CACNA1B: variants seen among roughly 807,000 people sequenced by gnomAD.
The protein encoded by CACNA1B is calcium voltage-gated channel subunit alpha1 B.
Under a neutral mutation model 247.2 loss-of-function variants are expected in CACNA1B, and 70 were observed. That is an observed-to-expected ratio of 0.28 (90% CI 0.23 to 0.35). The LOEUF is 0.35. Ranked by LOEUF, CACNA1B falls within the 10% of genes least tolerant of loss-of-function variation. The pLI, the probability that CACNA1B is intolerant of heterozygous loss-of-function variation, is 1.00. For synonymous variants in CACNA1B, 1,231 were observed against 1,294.4 expected, an observed-to-expected ratio of 0.95 and a Z score of 1.05; for missense variants, 2,367 against 3,197.4, an observed-to-expected ratio of 0.74 and a Z score of 6.26.
chr9:137,916,326 C>G (rs1483339155), intron 5 of CACNA1B, among the ~76,000 whole-genome samples: 1 of 152,190 alleles, frequency 6.6e-6, no homozygotes, highest in African/African-American at 2.4e-5. Context: ...AGCCACCGTG[C>G]CTGGCCTGCA....
intron 15 of CACNA1B, among the ~76,000 whole-genome samples, chr9:137,991,043 C>A (rs1372750619): frequency 6.6e-6 from 1 of 152,128 alleles, no homozygotes; most frequent in African/African-American, 2.4e-5. Context: ...TAAACACCCC[C>A]AGAAGATCAC....
chr9:138,010,148 G>T lies in CACNA1B; in HGVS notation c.2160+71G>T. 7.7e-7 allele frequency: 1 copy of T among 1,293,188 alleles called. No individual in the cohort carries two copies. Among genetic ancestry groups the T allele is most frequent in the Non-Finnish European group, 1.1e-6 (1 of 890,320 alleles). The allele number at this position is 1,293,188 out of a possible 1,614,324, so 80.1% of individuals were successfully genotyped here. On this transcript the variant is annotated intron_variant, in intron 17 of 46. Coordinates refer to ENST00000371372, the MANE Select transcript of CACNA1B (RefSeq NM_000718.4). This position sits in a 1 kb window ranked among gnomAD's most constrained non-coding sequence, Gnocchi z 5.3. The stretch of plus-strand genomic sequence containing the variant: ...ATGTGGCCGCAGCCAGGAAGAGTCT[G>T]GGTCCTGGGTTAGGGCCTCGTGTCC...
At chr9:137,940,099 C>CA (rs1268133817) in intron 6 of CACNA1B, among the ~76,000 whole-genome samples, 1 of 151,550 alleles carries the variant, frequency 6.6e-6, no homozygotes, top group Admixed American at 6.6e-5. Context: ...GAAACTTAAA[C>CA]AAAAAAACAC....
At chr9:138,106,998 C>A (rs560925854) in intron 39 of CACNA1B, among the ~76,000 whole-genome samples, 20 of 152,130 alleles carry the variant, frequency 1.3e-4, no homozygotes, top group African/African-American at 3.6e-4. Context: ...GCATTTTCTT[C>A]TCTTTGAACC....
At chr9:138,113,681 G>A (rs1485930785) in intron 40 of CACNA1B, among the ~76,000 whole-genome samples, 3 of 131,010 alleles carry the variant, frequency 2.3e-5, no homozygotes, top group Non-Finnish European at 4.9e-5. Flanking sequence ...GAGACGTGAG[G>A]GAGCGCAGGA....
At chr9:138,021,331 C>T (rs1958842628) in intron 18 of CACNA1B, among the ~76,000 whole-genome samples, 1 of 152,258 alleles carries the variant, frequency 6.6e-6, no homozygotes, top group African/African-American at 2.4e-5. Context: ...CCCACCCAAG[C>T]TCCCAGGTGA....
chr9:137,993,825 G>A (rs1958464388), intron 15 of CACNA1B, among the ~76,000 whole-genome samples: 1 of 152,072 alleles, frequency 6.6e-6, no homozygotes, highest in African/African-American at 2.4e-5. Context: ...AGAGAAAGAG[G>A]GAATTCTCCC....
intron 10 of CACNA1B, among the ~76,000 whole-genome samples, chr9:137,968,351 G>C (rs1411614287): frequency 1.3e-5 from 2 of 152,230 alleles, no homozygotes; most frequent in Admixed American, 1.3e-4. Context: ...CACCCTGTCG[G>C]CCCTGACGCC....
At chr9:138,008,028 C>T (rs1040053575) in intron 16 of CACNA1B, among the ~76,000 whole-genome samples, 3 of 152,212 alleles carry the variant, frequency 2.0e-5, no homozygotes, top group East Asian at 1.9e-4. Context: ...GGTCCTTAGG[C>T]TGCAGCTCAG....
Position 138,121,436 on chromosome 9 carries a change from ACC to A in CACNA1B, c.6490-32_6490-31del. On this transcript the variant is annotated intron_variant, in intron 46 of 46. Transcript: ENST00000371372. The surrounding 1 kb of genome is among the most constrained non-coding windows in gnomAD (Gnocchi z 6.8). Reference sequence around the variant, plus strand: ...GTTCGGCTTTTTTTTTTTTTTTTTTACCTCTGATTTGTTCTGGTCCATTTTCA... The same window carrying A: ...GTTCGGCTTTTTTTTTTTTTTTTTTATCTGATTTGTTCTGGTCCATTTTCA... 1 of 720,794 alleles carries A rather than the reference ACC, an allele frequency of 1.4e-6. No individual in the cohort carries two copies. Among genetic ancestry groups the A allele is most frequent in the Non-Finnish European group, 1.8e-6 (1 of 545,264 alleles). The allele number at this position is 720,794 out of a possible 1,614,324, so 44.6% of individuals were successfully genotyped here.
chr9:137,965,485 A>G (rs1477676006), intron 10 of CACNA1B, among the ~76,000 whole-genome samples: 1 of 152,274 alleles, frequency 6.6e-6, no homozygotes, highest in East Asian at 1.9e-4. Flanking sequence ...GTTTGAGACA[A>G]GCCTGGACAA....
chr9:137,992,616 C>T (rs1419902699), intron 15 of CACNA1B, among the ~76,000 whole-genome samples: 1 of 152,128 alleles, frequency 6.6e-6, no homozygotes, highest in African/African-American at 2.4e-5. Flanking sequence ...GAGCATTCTA[C>T]CCAACAACTG....
At chr9:138,034,182 G>A (rs1005612017) in intron 20 of CACNA1B, among the ~76,000 whole-genome samples, 1 of 152,166 alleles carries the variant, frequency 6.6e-6, no homozygotes, top group African/African-American at 2.4e-5. Context: ...TAGAAGTCCT[G>A]ACTTTCCACT....
At chr9:138,118,376 G>A (rs554260831) in intron 43 of CACNA1B, among the ~76,000 whole-genome samples, 9 of 110,050 alleles carry the variant, frequency 8.2e-5, no homozygotes, top group African/African-American at 2.9e-4. Flanking sequence ...ACTGGGGTGG[G>A]GAACATGTGA....
At position 138,122,723 on chromosome 9, in the gene CACNA1B, C is replaced by G. The variant is rs981126604; in HGVS notation, c.*724C>G. ...AAAGAAAGATGTCAGCTTTTTGCCA[C>G]GTGTCTTTGTGGCTTATGCGAGGAG... On this transcript the variant is annotated 3_prime_UTR_variant, in exon 47 of 47. Coordinates refer to ENST00000371372, the MANE Select transcript of CACNA1B (RefSeq NM_000718.4). 2.0e-5 allele frequency: 3 copies of G among 152,264 alleles called. No homozygotes were observed. Among genetic ancestry groups the G allele is most frequent in the African/African-American group, 7.2e-5 (3 of 41,446 alleles). 9.4% of individuals were successfully genotyped at this position (152,264 alleles called of 1,614,324 possible).
At chr9:137,999,587 A>C (rs1422557364) in intron 15 of CACNA1B, among the ~76,000 whole-genome samples, 1 of 152,110 alleles carries the variant, frequency 6.6e-6, no homozygotes, top group Non-Finnish European at 1.5e-5. Flanking sequence ...ATCATAGCTC[A>C]CTGCAGCCTC....
chr9:138,121,009 C>A lies in CACNA1B; in HGVS notation c.6489+128C>A. The A allele has an allele frequency of 2.7e-6, 3 of 1,107,156 alleles. No homozygotes were observed. Among genetic ancestry groups the A allele is most frequent in the South Asian group, 1.5e-5 (1 of 65,794 alleles). The allele number at this position is 1,107,156 out of a possible 1,614,324, so 68.6% of individuals were successfully genotyped here. On this transcript the variant is annotated intron_variant, in intron 46 of 46. Coordinates refer to ENST00000371372, the MANE Select transcript of CACNA1B (RefSeq NM_000718.4). The surrounding 1 kb of genome is among the most constrained non-coding windows in gnomAD (Gnocchi z 6.8). ...TTTGTCATTCCCAGCAACCCAAGGG[C>A]CGGGCGCTCCCCTCTGTGCCCTGTC...
intron 6 of CACNA1B, among the ~76,000 whole-genome samples, chr9:137,923,789 G>A (rs1957518551): frequency 6.6e-6 from 1 of 152,186 alleles, no homozygotes; most frequent in Non-Finnish European, 1.5e-5. Flanking sequence ...CAGTTTTTGT[G>A]CATTCTGGCC....
rs1324672848 is a variant in CACNA1B at position 138,052,391 on chromosome 9, C to T, written c.3807+203C>T. ...CCCAGCAGCCTCCTGTGAGAATCCT[C>T]CTCCTTAGCCCAGCAGGACCAGGCG... On this transcript the variant is annotated intron_variant, in intron 25 of 46. Coordinates refer to ENST00000371372, the MANE Select transcript of CACNA1B (RefSeq NM_000718.4). This position sits in a 1 kb window ranked among gnomAD's most constrained non-coding sequence, Gnocchi z 5.1. Among the ~76,000 whole-genome samples the T allele has an allele frequency of 6.6e-6, 1 of 152,172 alleles. No individual in the cohort carries two copies. The highest frequency in any genetic ancestry group is 1.5e-5 in the Non-Finnish European group (1 of 68,042).
Sources: gnomAD v4.1 joint callset for allele counts (sites outside exome capture counted in the v4.1 genomes callset) on GRCh38, gnomAD v4.1.1 for gene constraint, Gnocchi (gnomAD v3.1) non-coding constraint, MANE v1.5 for transcripts, NCBI Gene and HGNC (gene_info 2026-07-23, HGNC 2026-07-21) for gene names.